Variants in MYO1D observed in about 807,000 individuals in gnomAD.
MYO1D encodes unconventional myosin-Id.
In MYO1D, 83 loss-of-function variants were observed where a neutral mutation model predicts 122.0. That is an observed-to-expected ratio of 0.68 (90% CI 0.57 to 0.82). MYO1D has a LOEUF of 0.82. Among genes scored for constraint, MYO1D ranks in the 40% least tolerant of loss-of-function variants. The probability of loss-of-function intolerance (pLI) is 0.00; values close to 1 mark genes in which losing one functional copy is unlikely to be tolerated. For synonymous variants in MYO1D, 464 were observed against 446.9 expected (o/e 1.04, Z -0.48); for missense variants, 1,157 against 1,269.5 (o/e 0.91, Z 1.35).
chr17:32,541,978 G>C (rs1035488575), intron 21 of MYO1D, among the ~76,000 whole-genome samples: 2 of 151,702 alleles, frequency 1.3e-5, no homozygotes, highest in African/African-American at 2.4e-5. Flanking sequence ...TTCCTCCTCC[G>C]TGTTTCCTCA....
At chr17:32,750,031 T>C (rs1437168877) in intron 11 of MYO1D, among the ~76,000 whole-genome samples, 2 of 152,216 alleles carry the variant, frequency 1.3e-5, no homozygotes, top group East Asian at 3.8e-4. Flanking sequence ...TGGAATCGAA[T>C]GTAACATCTG....
chr17:32,527,715 T>C (rs1910386525), intron 21 of MYO1D, among the ~76,000 whole-genome samples: 1 of 152,162 alleles, frequency 6.6e-6, no homozygotes, highest in Admixed American at 6.5e-5. Flanking sequence ...GGAGGACTGC[T>C]TAAGCCCAGG....
chr17:32,635,024 G>C (rs2088078431), intron 20 of MYO1D, among the ~76,000 whole-genome samples: 1 of 152,208 alleles, frequency 6.6e-6, no homozygotes, highest in African/African-American at 2.4e-5. Context: ...GAAAGACTAT[G>C]CATAGATTTG....
intron 21 of MYO1D, among the ~76,000 whole-genome samples, chr17:32,550,829 TTACAAAAAA>T (rs1313344147): frequency 2.0e-5 from 3 of 151,896 alleles, no homozygotes; most frequent in African/African-American, 7.3e-5. Flanking sequence ...GATGCTGTTT[TTACAAAAAA>T]TTTAAAAATT....
chr17:32,844,118 T>A, intron 1 of MYO1D, among the ~76,000 whole-genome samples: 1 of 150,072 alleles, frequency 6.7e-6, no homozygotes, highest in East Asian at 1.9e-4. Flanking sequence ...TTATTAAATA[T>A]TCTATTATAT....
Position 32,519,965 on chromosome 17 carries a change from C to T in MYO1D, c.2865-25050G>A, listed in dbSNP as rs1304351201. Among the ~76,000 whole-genome samples the T allele has an allele frequency of 2.6e-5, 4 of 151,654 alleles. No homozygotes were observed. The South Asian group carries it at 6.3e-4, about 24-fold the overall frequency. On this transcript the variant is annotated intron_variant, in intron 21 of 21. Transcript: ENST00000318217. ...TTAAGAAGGGAGGAGAAAGGGCTAC[C>T]CCCGCAGCCATGTGAAATAGGATTA... is the stretch of plus-strand genomic sequence containing the variant.
chr17:32,749,121 T>A, intron 11 of MYO1D, 115 bp from the exon 12 acceptor site: 1 of 924,394 alleles, frequency 1.1e-6, no homozygotes, highest in South Asian at 1.5e-5. Context: ...TCACATTGTG[T>A]GGGGCTTGAT....
chr17:32,852,177 C>T (rs1301110205), intron 1 of MYO1D, among the ~76,000 whole-genome samples: 1 of 152,000 alleles, frequency 6.6e-6, no homozygotes, highest in African/African-American at 2.4e-5. Context: ...ACTCTGTCAC[C>T]CAGGCTGGTA....
At chr17:32,593,855 T>A (rs947783373) in intron 21 of MYO1D, among the ~76,000 whole-genome samples, 1 of 152,356 alleles carries the variant, frequency 6.6e-6, no homozygotes, top group African/African-American at 2.4e-5. Flanking sequence ...GAAAATTGCA[T>A]GAACCTGGCA....
chr17:32,514,780 T>G (rs1909830261), intron 21 of MYO1D, among the ~76,000 whole-genome samples: 1 of 152,218 alleles, frequency 6.6e-6, no homozygotes, highest in South Asian at 2.1e-4. Context: ...AGTCAGACAT[T>G]CCAGCTGGCA....
intron 1 of MYO1D, among the ~76,000 whole-genome samples, chr17:32,824,038 G>A (rs992986224): frequency 1.0e-4 from 14 of 139,468 alleles, no homozygotes; most frequent in Non-Finnish European, 1.5e-4. Flanking sequence ...CTGCATTCCA[G>A]CCTGGGCGAT....
At chr17:32,577,830 CT>C (rs1184546623) in intron 21 of MYO1D, among the ~76,000 whole-genome samples, 1 of 152,052 alleles carries the variant, frequency 6.6e-6, no homozygotes, top group Admixed American at 6.5e-5. Flanking sequence ...GCTCTGCCTC[CT>C]GGGTTTATGC....
intron 1 of MYO1D, among the ~76,000 whole-genome samples, chr17:32,827,136 C>A (rs1319234865): frequency 1.3e-5 from 2 of 152,048 alleles, no homozygotes; most frequent in African/African-American, 4.8e-5. Context: ...TGGAAACACC[C>A]CAGATGTCCA....
intron 21 of MYO1D, among the ~76,000 whole-genome samples, chr17:32,515,984 C>T (rs1909878043): frequency 1.3e-5 from 2 of 152,312 alleles, no homozygotes; most frequent in East Asian, 1.9e-4. Flanking sequence ...CCCCCTGCTC[C>T]GATACACACT....
chr17:32,810,849 T>C (rs1037227175), intron 1 of MYO1D, among the ~76,000 whole-genome samples: 2 of 151,074 alleles, frequency 1.3e-5, no homozygotes, highest in East Asian at 1.9e-4. Flanking sequence ...GTTTGAGGAG[T>C]TGTCTTTTTT....
chr17:32,613,759 C>T (rs545795923), intron 20 of MYO1D, among the ~76,000 whole-genome samples: 5 of 131,962 alleles, frequency 3.8e-5, no homozygotes, highest in African/African-American at 1.5e-4. Context: ...TCCAGCACTC[C>T]AGCCTGGGCG....
chr17:32,590,233 C>T (rs897279698), intron 21 of MYO1D, among the ~76,000 whole-genome samples: 3 of 152,198 alleles, frequency 2.0e-5, no homozygotes, highest in Non-Finnish European at 2.9e-5. Context: ...TCACTCAACT[C>T]TCCAAATGTA....
intron 16 of MYO1D, among the ~76,000 whole-genome samples, chr17:32,700,426 C>G (rs549025826): frequency 7.4e-4 from 113 of 152,294 alleles, no homozygotes; most frequent in African/African-American, 2.6e-3. Flanking sequence ...TAACAGGCCA[C>G]GGACCAGTAC....
rs571846913 is a variant in MYO1D, at chr17:32,751,097, A to C, written c.1468-2091T>G. On this transcript the variant is annotated intron_variant, in intron 11 of 21. Coordinates refer to ENST00000318217, the MANE Select transcript of MYO1D (RefSeq NM_015194.3). The stretch of plus-strand genomic sequence containing the variant: ...TTTATTTTTTTTGGTAATAGCAGTT[A>C]TGTATTTATCATTTAACTTTTTATA... Among the ~76,000 whole-genome samples the C allele has an allele frequency of 2.0e-3, 309 of 152,104 alleles. 3 individuals carry two copies. Among genetic ancestry groups the C allele is most frequent in the African/African-American group, 7.2e-3 (301 of 41,554 alleles).
Sources: allele counts gnomAD v4.1 joint callset (sites outside exome capture counted in the v4.1 genomes callset), GRCh38; gene constraint gnomAD v4.1.1; transcripts MANE v1.5; gene names NCBI Gene and HGNC (gene_info 2026-07-23, HGNC 2026-07-21).